ASIP: variants seen among roughly 807,000 people sequenced by gnomAD.
The protein encoded by ASIP is agouti-signaling protein.
In ASIP, 11 loss-of-function variants were observed where a neutral mutation model predicts 10.3. That is an observed-to-expected ratio of 1.07 (90% CI 0.68 to 1.78). The LOEUF is 1.78. ASIP is among the 40% of genes most tolerant of loss of function. The pLI, the probability that ASIP is intolerant of heterozygous loss-of-function variation, is 0.00. For missense variants in ASIP, 180 were observed against 169.2 expected, an observed-to-expected ratio of 1.06 and a Z score of -0.35; for synonymous variants, 70 against 70.8, an observed-to-expected ratio of 0.99 and a Z score of 0.06.
chr20:34,266,298 C>T (rs190829875), intron 3 of ASIP, among the ~76,000 whole-genome samples: 7 of 150,240 alleles, frequency 4.7e-5, no homozygotes, highest in South Asian at 4.2e-4. Context: ...TACAGTGAGC[C>T]GAGACCGTGC....
intron 1 of ASIP, chr20:34,214,136 A>C: frequency 8.7e-7 from 1 of 1,154,912 alleles, no homozygotes; most frequent in Admixed American, 1.7e-5. Context: ...CAGGTGGAGA[A>C]AGCTTTAATA....
At chr20:34,222,847 C>G (rs1216079762) in intron 1 of ASIP, among the ~76,000 whole-genome samples, 1 of 152,132 alleles carries the variant, frequency 6.6e-6, no homozygotes, top group Admixed American at 6.5e-5. Context: ...CCGGGCCGGT[C>G]TCCAGCCCCT....
intron 1 of ASIP, among the ~76,000 whole-genome samples, chr20:34,216,241 G>A (rs950787836): frequency 6.6e-6 from 1 of 152,182 alleles, no homozygotes; most frequent in Non-Finnish European, 1.5e-5. Context: ...AAGAGCGCGA[G>A]GGCCAGCTAA....
chr20:34,196,310 G>GCTGGGA (rs1346142997), intron 1 of ASIP, among the ~76,000 whole-genome samples: 5 of 150,380 alleles, frequency 3.3e-5, no homozygotes, highest in African/African-American at 1.2e-4. Flanking sequence ...CTCCCGAGTA[G>GCTGGGA]CTACAGGCGC....
chr20:34,221,471 A>G (rs1473267147), intron 1 of ASIP, among the ~76,000 whole-genome samples: 1 of 152,184 alleles, frequency 6.6e-6, no homozygotes, highest in Non-Finnish European at 1.5e-5. Context: ...GCCTCTTTTT[A>G]TCATGTTCCA....
At chr20:34,255,848 T>C (rs942773723) in intron 1 of ASIP, among the ~76,000 whole-genome samples, 3 of 152,142 alleles carry the variant, frequency 2.0e-5, no homozygotes, top group Admixed American at 1.3e-4. Context: ...GTAGCATCAG[T>C]GCTCGGGAAG....
At chr20:34,245,487 C>A (rs1316273338) in intron 1 of ASIP, among the ~76,000 whole-genome samples, 1 of 151,170 alleles carries the variant, frequency 6.6e-6, no homozygotes, top group Non-Finnish European at 1.5e-5. Context: ...TCCCAGGTTC[C>A]AGCGATTCTC....
At chr20:34,268,932 G>A (rs2035837870) in intron 3 of ASIP, 59 bp from the exon 4 acceptor site, 2 of 1,550,572 alleles carry the variant, frequency 1.3e-6, no homozygotes, top group African/African-American at 1.4e-5. Context: ...CCCAGGCAGA[G>A]GTGAGGACCG....
rs1024903210 is a variant in ASIP at position 34,221,091 on chromosome 20, T to C, written c.-11+26331T>C. ...AAGAGGATGTTGAAAGGGAAACAAA[T>C]GGCAGGGCCAGGCGCGATGGCTCAC... On this transcript the variant is annotated intron_variant, in intron 1 of 3. Transcript: ENST00000568305. Among the ~76,000 whole-genome samples the C allele has an allele frequency of 2.0e-5, 3 of 150,682 alleles. No individual in the cohort carries two copies. In the East Asian group the frequency reaches 5.9e-4, roughly 30 times the overall value.
At chr20:34,231,624 T>C (rs1285120469) in intron 1 of ASIP, among the ~76,000 whole-genome samples, 2 of 152,206 alleles carry the variant, frequency 1.3e-5, no homozygotes, top group African/African-American at 2.4e-5. Flanking sequence ...AAATAACTTA[T>C]CTGACAAAGA....
At chr20:34,214,689 AT>A in intron 1 of ASIP, 1 of 1,086,546 alleles carries the variant, frequency 9.2e-7, no homozygotes, top group Non-Finnish European at 1.4e-6. Flanking sequence ...CTTGACCCTC[AT>A]TTTCAAAGTT....
At chr20:34,223,769 A>C (rs1387985485) in intron 1 of ASIP, among the ~76,000 whole-genome samples, 3 of 136,716 alleles carry the variant, frequency 2.2e-5, no homozygotes, top group Non-Finnish European at 4.7e-5. Flanking sequence ...GGCTTTGTGG[A>C]ATAGAAAGGC....
At chr20:34,203,751 T>C (rs1221450396) in intron 1 of ASIP, among the ~76,000 whole-genome samples, 3 of 151,960 alleles carry the variant, frequency 2.0e-5, no homozygotes, top group Non-Finnish European at 4.4e-5. Flanking sequence ...AGATGGAGTT[T>C]CGCTCTTTTT....
chr20:34,219,419 G>T (rs2035030757), intron 1 of ASIP, among the ~76,000 whole-genome samples: 2 of 152,150 alleles, frequency 1.3e-5, no homozygotes, highest in Admixed American at 1.3e-4. Context: ...CCACACCCAA[G>T]ACCAGGAGCT....
chr20:34,195,327 G>A (rs533799078), intron 1 of ASIP, among the ~76,000 whole-genome samples: 1 of 152,054 alleles, frequency 6.6e-6, no homozygotes, highest in African/African-American at 2.4e-5. Flanking sequence ...GCGTTTGGTT[G>A]GGAGTCTCCC....
chr20:34,209,692 T>C (rs932886252), intron 1 of ASIP, among the ~76,000 whole-genome samples: 4 of 152,166 alleles, frequency 2.6e-5, no homozygotes, highest in African/African-American at 9.7e-5. Context: ...CCCTGCTGCC[T>C]TGGGCCCCTC....
chr20:34,202,277 G>C (rs2034904766), intron 1 of ASIP, among the ~76,000 whole-genome samples: 1 of 152,144 alleles, frequency 6.6e-6, no homozygotes, highest in Non-Finnish European at 1.5e-5. Flanking sequence ...GCTTGAAATA[G>C]CACTAGCCAC....
chr20:34,258,855 TATATGATATATATA>T (rs1032886082), intron 1 of ASIP, among the ~76,000 whole-genome samples: 1 of 124,674 alleles, frequency 8.0e-6, no homozygotes, highest in Non-Finnish European at 1.6e-5. Flanking sequence ...GTATATATAA[TATATGATATATATA>T]ATACTATATA....
chr20:34,234,773 C>A (rs2035156639), intron 1 of ASIP: 1 of 152,314 alleles, frequency 6.6e-6, no homozygotes, highest in East Asian at 1.9e-4. Flanking sequence ...GAGATTGCGC[C>A]ACTGTACTCC....
Sources: gnomAD v4.1 joint callset for allele counts (sites outside exome capture counted in the v4.1 genomes callset) on GRCh38, gnomAD v4.1.1 for gene constraint, MANE v1.5 for transcripts, NCBI Gene and HGNC (gene_info 2026-07-23, HGNC 2026-07-21) for gene names.